The following SYTL3 variants were observed in gnomAD, a reference collection of about 807,000 sequenced individuals.
SYTL3 encodes synaptotagmin like 3.
SYTL3 carries 88 observed loss-of-function variants against 82.1 expected under a neutral mutation model. The ratio of observed to expected loss-of-function variants is 1.07; its 90% CI spans 0.90 to 1.28. The LOEUF (loss-of-function observed/expected upper bound fraction) is 1.28. Among genes scored for constraint, SYTL3 ranks in the 50% most tolerant of loss-of-function variants. The pLI is 0.00. For missense variants in SYTL3, 831 were observed against 757.6 expected (o/e 1.10, Z -1.14); for synonymous variants, 311 against 289.4 (o/e 1.07, Z -0.76).
intron 11 of SYTL3, among the ~76,000 whole-genome samples, chr6:158,729,945 T>C (rs1785202626): frequency 6.6e-6 from 1 of 152,166 alleles, no homozygotes; most frequent in African/African-American, 2.4e-5. Flanking sequence ...TTTTAAAGAC[T>C]TTCTTCAAGC....
rs752307849 is a variant in SYTL3 at position 158,763,457 on chromosome 6, G to A, written c.1671G>A (p.Gln557=). Residue 557 remains glutamine (Q), a synonymous_variant, in exon 17 of 18, where the codon CAG becomes CAA. Coordinates refer to ENST00000611299, the MANE Select transcript of SYTL3 (RefSeq NM_001242394.2). The part of the protein sequence containing the change: ...QSSLELTVWD[Q]ALFGMNDRLL... The stretch of plus-strand genomic sequence containing the variant: ...GCTTGGAGTTAACTGTCTGGGATCA[G>A]GCCCTCTTTGGAATGAACGACCGCT... 6.2e-7 allele frequency: 1 copy of A among 1,614,194 alleles called. No individual in the cohort carries two copies. The highest frequency in any genetic ancestry group is 8.5e-7 in the Non-Finnish European group (1 of 1,180,028).
intron 2 of SYTL3, among the ~76,000 whole-genome samples, chr6:158,652,288 C>T (rs1481632913): frequency 6.6e-6 from 1 of 151,890 alleles, no homozygotes; most frequent in African/African-American, 2.4e-5. Flanking sequence ...CACTCTGTTG[C>T]CCAGGCTAGA....
chr6:158,662,577 T>C (rs1252611471), intron 3 of SYTL3, among the ~76,000 whole-genome samples, 173 bp from the exon 4 acceptor site: 4 of 152,216 alleles, frequency 2.6e-5, no homozygotes, highest in African/African-American at 9.6e-5. Flanking sequence ...TTTGGAAGTT[T>C]GAGGCTTTTA....
At chr6:158,731,392 A>C (rs1209356672) in intron 11 of SYTL3, among the ~76,000 whole-genome samples, 3 of 152,076 alleles carry the variant, frequency 2.0e-5, no homozygotes, top group Admixed American at 6.5e-5. Flanking sequence ...CAAAAAATAA[A>C]AAGAAAAAAA....
At chr6:158,726,212 T>C in intron 11 of SYTL3, 2 of 438,794 alleles carry the variant, frequency 4.6e-6, no homozygotes, top group Non-Finnish European at 8.9e-6. Flanking sequence ...TGAATATCCC[T>C]ACACCATCTG....
intron 5 of SYTL3, among the ~76,000 whole-genome samples, chr6:158,678,711 T>A (rs997757607): frequency 7.9e-5 from 12 of 152,220 alleles, no homozygotes; most frequent in African/African-American, 2.4e-5. Context: ...ATTCTAGTGA[T>A]CCTCATGCAG....
At chr6:158,754,755 G>A (rs946332617) in intron 13 of SYTL3, among the ~76,000 whole-genome samples, 1 of 152,216 alleles carries the variant, frequency 6.6e-6, no homozygotes, top group Non-Finnish European at 1.5e-5. Flanking sequence ...GGTAGATTCT[G>A]TATGTAGCAG....
intron 9 of SYTL3, among the ~76,000 whole-genome samples, chr6:158,716,244 A>G (rs1783409625): frequency 6.6e-6 from 1 of 152,302 alleles, no homozygotes; most frequent in African/African-American, 2.4e-5. Flanking sequence ...TCTCTTCCTT[A>G]TCCTTTGTCC....
intron 5 of SYTL3, among the ~76,000 whole-genome samples, chr6:158,680,587 A>C (rs866912467): frequency 6.6e-6 from 1 of 151,226 alleles, no homozygotes; most frequent in East Asian, 1.9e-4. Context: ...AAAAAAAAAA[A>C]AAAAAAACAC....
At position 158,691,776 on chromosome 6, in the gene SYTL3, T is replaced by C. The variant is rs573809085; in HGVS notation, c.394+8787T>C. On this transcript the variant is annotated intron_variant, in intron 6 of 17. Coordinates refer to ENST00000611299, the MANE Select transcript of SYTL3 (RefSeq NM_001242394.2). ...ACGCCATTCTCCTGCCTCAGCCTCCTGAGTAGCTGGGACTACGGGCACCTG... is the reference window on the plus strand; with the variant it reads ...ACGCCATTCTCCTGCCTCAGCCTCCCGAGTAGCTGGGACTACGGGCACCTG... Among the ~76,000 whole-genome samples the C allele has an allele frequency of 1.9e-3, 293 of 151,178 alleles. 1 individual carries two copies. Among genetic ancestry groups the C allele is most frequent in the African/African-American group, 6.2e-3 (258 of 41,300 alleles).
At chr6:158,730,240 C>A (rs1011925306) in intron 11 of SYTL3, among the ~76,000 whole-genome samples, 1 of 152,252 alleles carries the variant, frequency 6.6e-6, no homozygotes, top group African/African-American at 2.4e-5. Context: ...ATTGTAAGGT[C>A]TGGCTCCAGC....
At chr6:158,703,153 TAA>T (rs71297001) in intron 6 of SYTL3, among the ~76,000 whole-genome samples, 2,945 of 94,796 alleles carry the variant, frequency 0.031, 154 homozygotes, top group African/African-American at 0.11. Flanking sequence ...GACTCTGTCT[TAA>T]AAAAAAAAAA....
At chr6:158,759,248 G>A (rs1239662900) in intron 14 of SYTL3, among the ~76,000 whole-genome samples, 1 of 151,788 alleles carries the variant, frequency 6.6e-6, no homozygotes, top group African/African-American at 2.4e-5. Context: ...GCACAGAGCT[G>A]CAAGGCATCC....
chr6:158,733,570 G>T (rs1299457691), intron 11 of SYTL3, among the ~76,000 whole-genome samples: 1 of 151,708 alleles, frequency 6.6e-6, no homozygotes, highest in Non-Finnish European at 1.5e-5. Flanking sequence ...CTCGTGATCC[G>T]CCCTCCTCGG....
intron 6 of SYTL3, among the ~76,000 whole-genome samples, chr6:158,695,174 C>T (rs1010945803): frequency 1.8e-4 from 27 of 152,152 alleles, no homozygotes; most frequent in Non-Finnish European, 3.4e-4. Flanking sequence ...AGAGACCTTA[C>T]GGCTGGCAAA....
At chr6:158,725,771 A>G (rs578111719) in intron 11 of SYTL3, 134 bp downstream of exon 11, 493 of 1,206,414 alleles carry the variant, frequency 4.1e-4, no homozygotes, top group Non-Finnish European at 5.6e-4. Flanking sequence ...GCATTTTATT[A>G]TCCATCCTTC....
intron 12 of SYTL3, among the ~76,000 whole-genome samples, chr6:158,748,243 A>G (rs1787921054): frequency 6.6e-6 from 1 of 152,154 alleles, no homozygotes; most frequent in Non-Finnish European, 1.5e-5. Context: ...GGGAAAAGAA[A>G]TCAATTGTTG....
At position 158,673,833 on chromosome 6, in the gene SYTL3, C is replaced by T. The variant is rs530468496; in HGVS notation, c.329+8220C>T. ...GCGTGGTGGCTCACACCTGTTATCC[C>T]AGCACTTTGGGAGGCCGAGCTGGGC... On this transcript the variant is annotated intron_variant, in intron 5 of 17. Coordinates refer to ENST00000611299, the MANE Select transcript of SYTL3 (RefSeq NM_001242394.2). Among the ~76,000 whole-genome samples, 6 of 150,882 alleles carry T rather than the reference C, an allele frequency of 4.0e-5. No individual in the cohort carries two copies. The South Asian group carries it at 1.3e-3, about 32-fold the overall frequency.
Position 158,663,092 on chromosome 6 carries a change from T to A in SYTL3, c.-177T>A. 1.7e-6 allele frequency: 1 copy of A among 592,988 alleles called. No individual in the cohort carries two copies. The highest frequency in any genetic ancestry group is 2.1e-5 in the South Asian group (1 of 48,344). The allele number at this position is 592,988 out of a possible 1,614,324, so 36.7% of individuals were successfully genotyped here. A position where few individuals can be genotyped will look rare whatever the true frequency, so the allele number is the denominator to read the frequency against. ...TGAGGCTTTCTTCTTCTAAGGAGTA[T>A]GACACAGTTAAAAAGGAAAAAAGAA... On this transcript the variant is annotated 5_prime_UTR_variant, in exon 4 of 18. The change abolishes an upstream ATG in the 5' untranslated region. Transcript: ENST00000611299.
Sources: gnomAD v4.1 joint callset for allele counts (sites outside exome capture counted in the v4.1 genomes callset) on GRCh38, gnomAD v4.1.1 for gene constraint, MANE v1.5 for transcripts, NCBI Gene and HGNC (gene_info 2026-07-23, HGNC 2026-07-21) for gene names.